Variants in GALNT13 observed in about 807,000 individuals in gnomAD.
GALNT13 encodes polypeptide N-acetylgalactosaminyltransferase 13, also known as UDP-GalNAc:polypeptide N-acetylgalactosaminyltransferase 13.
In GALNT13, 28 loss-of-function variants were observed where a neutral mutation model predicts 64.2. The ratio of observed to expected loss-of-function variants is 0.44; its 90% CI spans 0.32 to 0.60. GALNT13 has a LOEUF of 0.60. Among genes scored for constraint, GALNT13 ranks in the 20% least tolerant of loss-of-function variants. The pLI, the probability that GALNT13 is intolerant of heterozygous loss-of-function variation, is 0.05. For missense variants in GALNT13, 577 were observed against 669.8 expected (o/e 0.86, Z 1.53); for synonymous variants, 214 against 224.6 (o/e 0.95, Z 0.42).
At chr2:153,933,688 G>A (rs920256984) in intron 2 of GALNT13, among the ~76,000 whole-genome samples, 1 of 152,044 alleles carries the variant, frequency 6.6e-6, no homozygotes, top group Non-Finnish European at 1.5e-5. Context: ...GCGTCAGTGG[G>A]CTATTTATTT....
chr2:153,889,624 G>GCCTA (rs1687418323), intron 1 of GALNT13, among the ~76,000 whole-genome samples: 1 of 151,986 alleles, frequency 6.6e-6, no homozygotes, highest in African/African-American at 2.4e-5. Flanking sequence ...TTGGCCAGAG[G>GCCTA]CCTACATCTC....
intron 9 of GALNT13, among the ~76,000 whole-genome samples, chr2:154,331,271 A>G (rs1019421766): frequency 4.6e-5 from 7 of 152,020 alleles, no homozygotes; most frequent in African/African-American, 1.7e-4. Flanking sequence ...AAAAAAATCT[A>G]TTCAGTAACT....
the GALNT13 span, among the ~76,000 whole-genome samples, chr2:153,296,468 G>A: frequency 6.6e-6 from 1 of 152,100 alleles, no homozygotes; most frequent in African/African-American, 2.4e-5. Context: ...AAATTCCAGG[G>A]TTTAATGTCG....
intron 3 of GALNT13, among the ~76,000 whole-genome samples, chr2:153,983,876 A>G (rs1325466719): frequency 6.6e-6 from 1 of 151,964 alleles, no homozygotes; most frequent in African/African-American, 2.4e-5. Context: ...TCTGGAGAAA[A>G]TACTGTGCTT....
the GALNT13 span, among the ~76,000 whole-genome samples, chr2:153,326,858 G>A: frequency 3.3e-5 from 5 of 152,146 alleles, no homozygotes; most frequent in Non-Finnish European, 5.9e-5. Flanking sequence ...GGCCAAGGCC[G>A]GTGGATCATG....
chr2:153,796,772 A>G, the GALNT13 span, among the ~76,000 whole-genome samples: 1 of 152,174 alleles, frequency 6.6e-6, no homozygotes, highest in Non-Finnish European at 1.5e-5. Flanking sequence ...GTTGTTTCAC[A>G]GTACTTTCTT....
At chr2:153,723,772 G>A in the GALNT13 span, among the ~76,000 whole-genome samples, 5 of 151,388 alleles carry the variant, frequency 3.3e-5, no homozygotes, top group African/African-American at 9.8e-5. Flanking sequence ...TCTTCAAGGA[G>A]AACTACAAAC....
chr2:154,395,056 T>C (rs1698993175), intron 9 of GALNT13, among the ~76,000 whole-genome samples: 1 of 152,184 alleles, frequency 6.6e-6, no homozygotes, highest in African/African-American at 2.4e-5. Flanking sequence ...TGTTACTTGG[T>C]TGGGATAGAA....
chr2:153,697,220 G>A, the GALNT13 span, among the ~76,000 whole-genome samples: 5 of 152,158 alleles, frequency 3.3e-5, no homozygotes, highest in Admixed American at 2.6e-4. Flanking sequence ...TGATCCTCTA[G>A]CACCTAATTC....
At chr2:153,619,614 T>C in the GALNT13 span, among the ~76,000 whole-genome samples, 2 of 152,132 alleles carry the variant, frequency 1.3e-5, no homozygotes, top group Non-Finnish European at 2.9e-5. Flanking sequence ...AGAATGACTT[T>C]GGAAGTATCC....
intron 9 of GALNT13, among the ~76,000 whole-genome samples, chr2:154,343,749 A>G (rs750571807): frequency 3.9e-4 from 59 of 152,226 alleles, no homozygotes; most frequent in Non-Finnish European, 6.8e-4. Context: ...AACTACTGAT[A>G]TAATCAGAAA....
chr2:153,467,847 G>A, the GALNT13 span, among the ~76,000 whole-genome samples: 3 of 152,130 alleles, frequency 2.0e-5, no homozygotes, highest in South Asian at 2.1e-4. Flanking sequence ...AGTGAGAGGA[G>A]AATTAGAAAA....
chr2:153,516,201 C>A, the GALNT13 span, among the ~76,000 whole-genome samples: 7 of 152,156 alleles, frequency 4.6e-5, no homozygotes, highest in African/African-American at 1.4e-4. Flanking sequence ...ATCAATATGT[C>A]TTCAAAAGTA....
chr2:153,462,446 G>A, the GALNT13 span, among the ~76,000 whole-genome samples: 1 of 152,020 alleles, frequency 6.6e-6, no homozygotes, highest in African/African-American at 2.4e-5. Flanking sequence ...TATTAGCTCT[G>A]CTTATGCCTG....
intron 4 of GALNT13, among the ~76,000 whole-genome samples, chr2:154,191,327 GGATTAAGA>G: frequency 6.6e-6 from 1 of 152,230 alleles, no homozygotes; most frequent in African/African-American, 2.4e-5. Context: ...GCAGAGTAAT[GGATTAAGA>G]AGTTTAGATG....
the GALNT13 span, among the ~76,000 whole-genome samples, chr2:153,248,051 G>T: frequency 6.6e-6 from 1 of 152,276 alleles, no homozygotes; most frequent in Non-Finnish European, 1.5e-5. Flanking sequence ...AACAAGTTCT[G>T]AAATTCAGGC....
chr2:153,161,079 T>C, the GALNT13 span, among the ~76,000 whole-genome samples: 2 of 152,320 alleles, frequency 1.3e-5, no homozygotes, highest in African/African-American at 4.8e-5. Flanking sequence ...TGTTCTAGAC[T>C]TATTCCAACA....
At chr2:153,764,160 C>T in the GALNT13 span, among the ~76,000 whole-genome samples, 1 of 152,144 alleles carries the variant, frequency 6.6e-6, no homozygotes, top group Non-Finnish European at 1.5e-5. Context: ...TTCTCCCATG[C>T]CCTACAAGTC....
At chr2:154,404,555 A>T (rs1699440599) in intron 10 of GALNT13, among the ~76,000 whole-genome samples, 1 of 152,186 alleles carries the variant, frequency 6.6e-6, no homozygotes, top group African/African-American at 2.4e-5. Context: ...CAATTTTCTA[A>T]TAGATACTCA....
Sources: allele counts gnomAD v4.1 joint callset (sites outside exome capture counted in the v4.1 genomes callset), GRCh38; gene constraint gnomAD v4.1.1; transcripts MANE v1.5; gene names NCBI Gene and HGNC (gene_info 2026-07-23, HGNC 2026-07-21).